The following PTPN21 variants were observed in gnomAD, a reference collection of about 807,000 sequenced individuals.
The protein encoded by PTPN21 is protein tyrosine phosphatase non-receptor type 21.
Under a neutral mutation model 131.8 loss-of-function variants are expected in PTPN21, and 77 were observed. That is an observed-to-expected ratio of 0.58 (90% CI 0.49 to 0.71). The LOEUF (loss-of-function observed/expected upper bound fraction) is 0.71. Ranked by LOEUF, PTPN21 falls within the 30% of genes least tolerant of loss-of-function variation. The pLI is 0.00. For missense variants in PTPN21, 1,552 were observed against 1,527.1 expected, an observed-to-expected ratio of 1.02 and a Z score of -0.27; for synonymous variants, 715 against 621.3, an observed-to-expected ratio of 1.15 and a Z score of -2.24.
chr14:88,469,538 G>T lies in PTPN21; in HGVS notation c.3196C>A (p.Pro1066Thr). ...AGGTCTTCTGGACAGCCATGTTCAG[G>T]CCAGTCTGTGTATTGGAGGTGCCAG... Reference protein sequence around the residue: ...TVWHLQYTDWPEHGCPEDLKG... With the variant: ...TVWHLQYTDWTEHGCPEDLKG... The change falls in exon 17 of 19, where the codon CCT becomes ACT. Residue 1066 changes from proline to threonine, a missense_variant. Around this residue, in one of 4 missense-constraint regions of PTPN21, gnomAD observed 316 missense variants for 378.5 expected, o/e 0.83. Transcript: ENST00000556564. The surrounding 1 kb of genome is among the most constrained non-coding windows in gnomAD (Gnocchi z 4.3). 2 of 1,614,140 alleles carry T rather than the reference G, an allele frequency of 1.2e-6. No homozygotes were observed. Among genetic ancestry groups the T allele is most frequent in the Non-Finnish European group, 1.7e-6 (2 of 1,180,016 alleles).
At chr14:88,521,780 T>A (rs1234343697) in intron 2 of PTPN21, among the ~76,000 whole-genome samples, 1 of 152,088 alleles carries the variant, frequency 6.6e-6, no homozygotes. Flanking sequence ...ACTTCCCCTT[T>A]AAATACAGTT....
intron 2 of PTPN21, among the ~76,000 whole-genome samples, chr14:88,544,299 C>A (rs574827514): frequency 2.6e-5 from 4 of 152,018 alleles, no homozygotes; most frequent in Admixed American, 2.6e-4. Context: ...GAGCCGAGAT[C>A]GCGCCATTTG....
At position 88,485,720 on chromosome 14, in the gene PTPN21, T is replaced by A. The variant is rs183183091; in HGVS notation, c.993+62A>T. ...CTCAAAATTAACAGCATTGAAAGCA[T>A]ATTTTATTCAGGAAAAACATCACTA... On this transcript the variant is annotated intron_variant, in intron 11 of 18. Coordinates refer to ENST00000556564, the MANE Select transcript of PTPN21 (RefSeq NM_007039.4). The A allele has an allele frequency of 1.8e-5, 22 of 1,216,488 alleles. No individual in the cohort carries two copies. The East Asian group carries it at 4.9e-4, about 27-fold the overall frequency. The allele number at this position is 1,216,488 out of a possible 1,614,324, so 75.4% of individuals were successfully genotyped here.
chr14:88,513,692 G>A (rs1370442058), intron 3 of PTPN21: 1 of 152,206 alleles, frequency 6.6e-6, no homozygotes, highest in Admixed American at 6.5e-5. Context: ...ACCATGCTCA[G>A]ATCTCCAAAC....
chr14:88,466,008 G>A lies in PTPN21; in HGVS notation c.*2129C>T, dbSNP rs186203319. On this transcript the variant is annotated 3_prime_UTR_variant, in exon 19 of 19. Transcript: ENST00000556564. Reference sequence around the variant, plus strand: ...TGTTTTACAATATGTTCTTGTCAACGAGCTATGTCAAACTGTTTGTTTAAA... The same window carrying A: ...TGTTTTACAATATGTTCTTGTCAACAAGCTATGTCAAACTGTTTGTTTAAA... 1 of 151,504 alleles carries A rather than the reference G, an allele frequency of 6.6e-6. No homozygotes were observed. Among genetic ancestry groups the A allele is most frequent in the East Asian group, 1.9e-4 (1 of 5,150 alleles). The allele number at this position is 151,504 out of a possible 1,614,324, so 9.4% of individuals were successfully genotyped here.
intron 1 of PTPN21, among the ~76,000 whole-genome samples, chr14:88,550,963 C>CT (rs1432352960): frequency 6.6e-6 from 1 of 152,158 alleles, no homozygotes; most frequent in Non-Finnish European, 1.5e-5. Flanking sequence ...ATAGGTAACT[C>CT]TTTCAGGTTG....
intron 2 of PTPN21, among the ~76,000 whole-genome samples, chr14:88,534,504 A>G (rs1168422617): frequency 6.6e-6 from 1 of 152,202 alleles, no homozygotes. Flanking sequence ...GTTTTAACCT[A>G]TGTTATTACA....
Position 88,479,268 on chromosome 14 carries a change from C to T in PTPN21, c.2163G>A (p.Glu721=), listed in dbSNP as rs758322555. The T allele has an allele frequency of 3.7e-5, 59 of 1,612,640 alleles. No individual in the cohort carries two copies. The highest frequency in any genetic ancestry group is 4.9e-5 in the Non-Finnish European group (58 of 1,179,306). The part of the protein sequence containing the change: ...SEEEEDEDFE[E]ESGARAPPAR... ...CAGGAGGCGCCCGGGCCCCGCTCTC[C>T]TCCTCGAAGTCCTCGTCCTCCTCCT... is the stretch of plus-strand genomic sequence containing the variant. Residue 721 remains glutamate (E), a synonymous_variant, in exon 13 of 19, where the codon GAG becomes GAA. Coordinates refer to ENST00000556564, the MANE Select transcript of PTPN21 (RefSeq NM_007039.4).
chr14:88,466,860 AACTATTATT>A lies in PTPN21; in HGVS notation c.*1268_*1276del, dbSNP rs2077372285. ...TGTACTTTTTGGGAGAAGAGGTGAA[AACTATTATT>A]AACTATTCCCTTCCTTCAACCAAAA... On this transcript the variant is annotated 3_prime_UTR_variant, in exon 19 of 19. Transcript: ENST00000556564. 6.6e-6 allele frequency: 1 copy of A among 152,220 alleles called. No homozygotes were observed. The highest frequency in any genetic ancestry group is 2.4e-5 in the African/African-American group (1 of 41,442). 9.4% of individuals were successfully genotyped at this position (152,220 alleles called of 1,614,324 possible).
chr14:88,485,244 G>A (rs1300877699), intron 11 of PTPN21, 84 bp from the exon 12 acceptor site: 1 of 832,780 alleles, frequency 1.2e-6, no homozygotes, highest in African/African-American at 1.8e-5. Flanking sequence ...GATTCTTTCT[G>A]TTAAAAAAAC....
rs146969611 is a variant in PTPN21 at position 88,483,279 on chromosome 14, G to C, written c.1078+1797C>G. Among the ~76,000 whole-genome samples the C allele has an allele frequency of 1.5e-3, 235 of 151,980 alleles. 1 individual carries two copies. The highest frequency in any genetic ancestry group is 5.5e-3 in the African/African-American group (228 of 41,436). ...CACTCAAACCATTACTTAAAGGGAG[G>C]AGAATGAACAATATTAAGATGTTTA... On this transcript the variant is annotated intron_variant, in intron 12 of 18. Transcript: ENST00000556564.
At chr14:88,478,779 A>T in intron 13 of PTPN21, 141 bp downstream of exon 13, 1 of 470,700 alleles carries the variant, frequency 2.1e-6, no homozygotes, top group Non-Finnish European at 3.5e-6. Context: ...GTTCAGAATT[A>T]GACAAAAAGA....
chr14:88,517,376 C>T lies in PTPN21; in HGVS notation c.181-115G>A, dbSNP rs998968675. ...ATGACAGCAGTCTCTTATTGCCTTT[C>T]TTCTCAGAGAAGAACAACAGCAAAA... On this transcript the variant is annotated intron_variant, in intron 2 of 18. Coordinates refer to ENST00000556564, the MANE Select transcript of PTPN21 (RefSeq NM_007039.4). 3.5e-6 allele frequency: 4 copies of T among 1,159,240 alleles called. No homozygotes were observed. In the African/African-American group the frequency reaches 6.2e-5, roughly 18 times the overall value. 71.8% of individuals were successfully genotyped at this position (1,159,240 alleles called of 1,614,324 possible).
In PTPN21 at chr14:88,479,561, G is replaced by C. The variant is rs770750252; in HGVS notation, c.1870C>G (p.Leu624Val). 2 of 1,598,234 alleles carry C rather than the reference G, an allele frequency of 1.3e-6. No homozygotes were observed. The highest frequency in any genetic ancestry group is 1.7e-6 in the Non-Finnish European group (2 of 1,178,500). ...AHSLQEVSEP[L>V]TAARHAQLHK... ...AGCTGCGCGTGGCGCGCGGCGGTGA[G>C]GGGCTCGCTGACCTCCTGCAGCGAG... Residue 624 changes from leucine to valine, a missense_variant, in exon 13 of 19, where the codon CTC becomes GTC. By Grantham distance (32) the Leu-to-Val change is conservative. This residue lies in a region of PTPN21 where 1,016 missense variants were observed against 883.5 expected (regional missense o/e 1.15). Transcript: ENST00000556564.
chr14:88,501,166 CAG>C, intron 7 of PTPN21, 113 bp downstream of exon 7: 1 of 967,126 alleles, frequency 1.0e-6, no homozygotes, highest in Non-Finnish European at 1.6e-6. Context: ...TTTAAGTTTC[CAG>C]AGTTTTGCAC....
In PTPN21 at chr14:88,507,905, T is replaced by C. The variant is rs750254483; in HGVS notation, c.448+18A>G. On this transcript the variant is annotated intron_variant, in intron 4 of 18. Coordinates refer to ENST00000556564, the MANE Select transcript of PTPN21 (RefSeq NM_007039.4). ...TTAATCTGATAGAACCATTTCATTA[T>C]GAATTGATCTTATTTACCTTGAACA... 6.8e-6 allele frequency: 10 copies of C among 1,476,270 alleles called. No homozygotes were observed. The African/African-American group carries it at 1.3e-4, about 19-fold the overall frequency. 91.4% of individuals were successfully genotyped at this position (1,476,270 alleles called of 1,614,324 possible). A position where few individuals can be genotyped will look rare whatever the true frequency, so the allele number is the denominator to read the frequency against.
intron 13 of PTPN21, among the ~76,000 whole-genome samples, chr14:88,475,693 C>T (rs1043711766): frequency 1.3e-5 from 2 of 152,194 alleles, no homozygotes; most frequent in Non-Finnish European, 2.9e-5. Context: ...TGTAAATACT[C>T]CCATCACAGC....
intron 10 of PTPN21, among the ~76,000 whole-genome samples, chr14:88,487,575 A>T (rs2077757302): frequency 6.7e-6 from 1 of 149,772 alleles, no homozygotes; most frequent in African/African-American, 2.5e-5. Context: ...TTTTAACATC[A>T]GGTGATTACA....
chr14:88,517,910 C>T (rs1350355697), intron 2 of PTPN21, among the ~76,000 whole-genome samples: 1 of 140,714 alleles, frequency 7.1e-6, no homozygotes, highest in Admixed American at 7.2e-5. Flanking sequence ...ATATATACAC[C>T]TGTATATATA....
Sources: gnomAD v4.1 joint callset for allele counts (sites outside exome capture counted in the v4.1 genomes callset) on GRCh38, gnomAD v4.1.1 for gene constraint, gnomAD v4.1.1 regional missense constraint, Gnocchi (gnomAD v3.1) non-coding constraint, MANE v1.5 for transcripts, NCBI Gene and HGNC (gene_info 2026-07-23, HGNC 2026-07-21) for gene names.